ATP11C: variants seen among roughly 807,000 people sequenced by gnomAD.
ATP11C encodes the protein phospholipid-transporting ATPase IG.
In ATP11C, 36 loss-of-function variants were observed where a neutral mutation model predicts 97.4. The observed-to-expected ratio is 0.37, with a 90% CI of 0.28 to 0.49. The LOEUF (loss-of-function observed/expected upper bound fraction) is 0.49, where lower values mean the gene tolerates loss of function less well. ATP11C is among the 20% of genes least tolerant of loss of function. The pLI is 0.98. For missense variants in ATP11C, 730 were observed against 824.6 expected, an observed-to-expected ratio of 0.89 and a Z score of 1.40; for synonymous variants, 275 against 290.9, an observed-to-expected ratio of 0.95 and a Z score of 0.56.
intron 5 of ATP11C, among the ~76,000 whole-genome samples, chrX:139,812,504 T>G (rs1291939099): frequency 2.7e-5 from 3 of 109,917 alleles, no homozygotes; most frequent in African/African-American, 9.9e-5. Flanking sequence ...GATTGGATGC[T>G]ATGAATCATT....
rs144410603 is a variant in ATP11C at position 139,783,193 on chromosome X, T to C, written c.1741A>G (p.Thr581Ala). 1,687 of 1,206,304 alleles carry C rather than the reference T, an allele frequency of 1.4e-3. 3 individuals carry two copies. The highest frequency in any genetic ancestry group is 2.3e-3 in the Admixed American group (106 of 45,689). Residue 581 changes from threonine to alanine, a missense_variant, in exon 17 of 30, where the codon ACT becomes GCT. By Grantham distance (58) the Thr-to-Ala change is moderately conservative (BLOSUM62 0). Transcript: ENST00000682941. Reference sequence around the variant, plus strand: ...GCATTACGTTCCACATGGACTTTAGTTAACTCAATTTCATGATTTTGCACT... The same window carrying C: ...GCATTACGTTCCACATGGACTTTAGCTAACTCAATTTCATGATTTTGCACT... ...PRVQNHEIEL[T>A]KVHVERNAMD...
intron 6 of ATP11C, among the ~76,000 whole-genome samples, chrX:139,803,542 A>G (rs775385328): frequency 9.1e-6 from 1 of 110,388 alleles, no homozygotes; most frequent in South Asian, 4.0e-4. Context: ...CAGAAAGTGT[A>G]TGAGGGAAAT....
intron 22 of ATP11C, among the ~76,000 whole-genome samples, chrX:139,759,172 C>T (rs7061310): frequency 0.063 from 7,039 of 111,420 alleles, 547 homozygotes; most frequent in African/African-American, 0.22. Context: ...CATGGGGATG[C>T]TCCATTGAGA....
chrX:139,842,574 A>C (rs923254654), intron 1 of ATP11C, among the ~76,000 whole-genome samples: 3 of 112,699 alleles, frequency 2.7e-5, no homozygotes, highest in African/African-American at 6.4e-5. Context: ...CAAGTAGGAC[A>C]TAAGTGAAGG....
At chrX:139,794,469 G>A (rs2082754324) in intron 12 of ATP11C, among the ~76,000 whole-genome samples, 1 of 111,968 alleles carries the variant, frequency 8.9e-6, no homozygotes, top group African/African-American at 3.2e-5. Flanking sequence ...GATAACAATG[G>A]CAAGTTGCTT....
intron 23 of ATP11C, among the ~76,000 whole-genome samples, chrX:139,753,924 C>A (rs748880778): frequency 9.0e-6 from 1 of 111,139 alleles, no homozygotes; most frequent in Non-Finnish European, 1.9e-5. Context: ...ACTACAGAAA[C>A]AAGAGCAAAC....
At chrX:139,903,859 A>G (rs2084935208) in intron 1 of ATP11C, among the ~76,000 whole-genome samples, 1 of 110,120 alleles carries the variant, frequency 9.1e-6, no homozygotes, top group Admixed American at 9.7e-5. Flanking sequence ...GACAACCTTC[A>G]CTCAATATTT....
intron 1 of ATP11C, among the ~76,000 whole-genome samples, chrX:139,900,355 G>C (rs1188661712): frequency 3.7e-4 from 29 of 78,326 alleles, no homozygotes; most frequent in Non-Finnish European, 5.4e-4. Flanking sequence ...GCAACAGAGC[G>C]AGACTCCGTC....
At chrX:139,850,171 G>T (rs1229248828) in intron 1 of ATP11C, among the ~76,000 whole-genome samples, 1 of 111,257 alleles carries the variant, frequency 9.0e-6, no homozygotes, top group Non-Finnish European at 1.9e-5. Flanking sequence ...TAATGGGTAG[G>T]GGCTGGAAGA....
chrX:139,873,366 G>A (rs1233099434), intron 1 of ATP11C, among the ~76,000 whole-genome samples: 2 of 111,619 alleles, frequency 1.8e-5, no homozygotes, highest in Non-Finnish European at 3.8e-5. Context: ...TGTGATGGTT[G>A]CACAATAGTG....
intron 15 of ATP11C, among the ~76,000 whole-genome samples, 195 bp from the exon 16 acceptor site, chrX:139,785,494 G>C (rs190218274): frequency 2.1e-4 from 24 of 111,792 alleles, no homozygotes; most frequent in African/African-American, 7.5e-4. Flanking sequence ...GTTAGTTAAG[G>C]GGTATTTATA....
intron 2 of ATP11C, among the ~76,000 whole-genome samples, chrX:139,824,149 A>T (rs1435275374): frequency 1.9e-5 from 2 of 107,756 alleles, no homozygotes; most frequent in Non-Finnish European, 3.8e-5. Flanking sequence ...AAAATTAATT[A>T]ATTTTTTAAA....
chrX:139,926,739 CACTT>C (rs1195858770), intron 1 of ATP11C, among the ~76,000 whole-genome samples: 2 of 112,510 alleles, frequency 1.8e-5, no homozygotes, highest in Non-Finnish European at 3.8e-5. Flanking sequence ...AAACAGTAAA[CACTT>C]ACAGAAAGTA....
chrX:139,868,313 G>C (rs1202329831), intron 1 of ATP11C, among the ~76,000 whole-genome samples: 1 of 111,615 alleles, frequency 9.0e-6, no homozygotes, highest in Non-Finnish European at 1.9e-5. Context: ...AAACTAAAAA[G>C]CTTCTGCACA....
At chrX:139,736,495 T>C (rs1187987093) in intron 28 of ATP11C, among the ~76,000 whole-genome samples, 1 of 111,614 alleles carries the variant, frequency 9.0e-6, no homozygotes, top group Non-Finnish European at 1.9e-5. Flanking sequence ...AAATTCTCTA[T>C]TATAAAAAGC....
chrX:139,909,663 C>T (rs1160025534), intron 1 of ATP11C, among the ~76,000 whole-genome samples: 3 of 111,779 alleles, frequency 2.7e-5, no homozygotes, highest in African/African-American at 9.8e-5. Context: ...TGCAATTTTA[C>T]AAGATGTTAC....
intron 7 of ATP11C, among the ~76,000 whole-genome samples, chrX:139,801,665 C>T (rs927961155): frequency 1.8e-5 from 2 of 111,716 alleles, no homozygotes; most frequent in African/African-American, 6.5e-5. Context: ...TGAAATCAAA[C>T]GCCAATTTTT....
At chrX:139,865,532 C>T (rs1379671167) in intron 1 of ATP11C, among the ~76,000 whole-genome samples, 2 of 110,681 alleles carry the variant, frequency 1.8e-5, no homozygotes, top group African/African-American at 3.3e-5. Context: ...GAGGCCGAGG[C>T]GGGCGGATCA....
chrX:139,849,133 T>C (rs1401774557), intron 1 of ATP11C, among the ~76,000 whole-genome samples: 1 of 111,213 alleles, frequency 9.0e-6, no homozygotes, highest in African/African-American at 3.3e-5. Flanking sequence ...CCTCACACTG[T>C]GTGCACATCA....
Sources: gnomAD v4.1 joint callset for allele counts (sites outside exome capture counted in the v4.1 genomes callset) on GRCh38, gnomAD v4.1.1 for gene constraint, MANE v1.5 for transcripts, NCBI Gene and HGNC (gene_info 2026-07-23, HGNC 2026-07-21) for gene names.